NEGR1: variants seen among roughly 807,000 people sequenced by gnomAD.
NEGR1 encodes the protein IgLON family member 4.
NEGR1 carries 10 observed loss-of-function variants against 40.9 expected under a neutral mutation model. The observed-to-expected ratio is 0.24, with a 90% CI of 0.15 to 0.42. NEGR1 has a LOEUF of 0.42. NEGR1 is among the 10% of genes least tolerant of loss of function. The pLI is 1.00. For synonymous variants in NEGR1, 185 were observed against 166.8 expected (o/e 1.11, Z -0.84); for missense variants, 352 against 438.9 (o/e 0.80, Z 1.77).
intron 6 of NEGR1, among the ~76,000 whole-genome samples, chr1:71,484,228 C>T (rs1029258486): frequency 6.6e-6 from 1 of 151,526 alleles, no homozygotes. Flanking sequence ...TACATTCAGG[C>T]ACATGAATAA....
intron 2 of NEGR1, among the ~76,000 whole-genome samples, chr1:71,811,135 C>T (rs1328171620): frequency 6.6e-6 from 1 of 152,088 alleles, no homozygotes; most frequent in East Asian, 1.9e-4. Context: ...GGAGTCTGCA[C>T]AAAAGGTGGA....
chr1:71,974,553 G>T (rs1462232493), intron 1 of NEGR1, among the ~76,000 whole-genome samples: 1 of 152,096 alleles, frequency 6.6e-6, no homozygotes, highest in East Asian at 1.9e-4. Context: ...CAGCACTAAT[G>T]AAATAGTCAT....
At chr1:72,084,564 G>A (rs1227381541) in intron 1 of NEGR1, among the ~76,000 whole-genome samples, 1 of 151,992 alleles carries the variant, frequency 6.6e-6, no homozygotes, top group African/African-American at 2.4e-5. Flanking sequence ...GTTCCATGAG[G>A]GCTGGGATTT....
At chr1:72,172,289 G>A (rs1651991738) in intron 1 of NEGR1, among the ~76,000 whole-genome samples, 1 of 151,914 alleles carries the variant, frequency 6.6e-6, no homozygotes. Context: ...TTTGTCATTA[G>A]AACCAAACAC....
intron 6 of NEGR1, among the ~76,000 whole-genome samples, chr1:71,560,991 C>T (rs898530627): frequency 2.0e-5 from 3 of 151,422 alleles, no homozygotes; most frequent in African/African-American, 7.3e-5. Flanking sequence ...TTCATGTTTC[C>T]GAGACTCAAT....
At chr1:71,694,125 C>T (rs941022979) in intron 4 of NEGR1, among the ~76,000 whole-genome samples, 4 of 151,522 alleles carry the variant, frequency 2.6e-5, no homozygotes, top group African/African-American at 7.3e-5. Flanking sequence ...CAACTATGAA[C>T]CTAGTGTCCA....
At chr1:71,436,654 T>C (rs1289261633) in intron 6 of NEGR1, among the ~76,000 whole-genome samples, 1 of 152,096 alleles carries the variant, frequency 6.6e-6, no homozygotes, top group Non-Finnish European at 1.5e-5. Context: ...TGCCTTCTGT[T>C]TTACCTCCTC....
At chr1:71,760,836 C>T (rs1263373991) in intron 3 of NEGR1, among the ~76,000 whole-genome samples, 2 of 152,020 alleles carry the variant, frequency 1.3e-5, no homozygotes, top group African/African-American at 2.4e-5. Flanking sequence ...TGGTGTTGGT[C>T]CAGCTCTCAG....
At chr1:72,135,774 G>A (rs1275893106) in intron 1 of NEGR1, among the ~76,000 whole-genome samples, 1 of 152,170 alleles carries the variant, frequency 6.6e-6, no homozygotes, top group African/African-American at 2.4e-5. Context: ...ACTAACCAAG[G>A]AAGAGAAAAT....
intron 1 of NEGR1, among the ~76,000 whole-genome samples, chr1:72,070,657 G>A (rs927865104): frequency 5.3e-5 from 8 of 151,926 alleles, no homozygotes; most frequent in African/African-American, 1.7e-4. Flanking sequence ...CTAACGCCAT[G>A]TATGTGAACA....
chr1:72,003,217 A>G (rs1646572990), intron 1 of NEGR1, among the ~76,000 whole-genome samples: 1 of 151,390 alleles, frequency 6.6e-6, no homozygotes, highest in South Asian at 2.1e-4. Context: ...GCCCTATCTG[A>G]GTGTTGGGTC....
chr1:71,874,152 A>G (rs1318893394), intron 2 of NEGR1, among the ~76,000 whole-genome samples: 1 of 152,130 alleles, frequency 6.6e-6, no homozygotes, highest in Admixed American at 6.6e-5. Flanking sequence ...ATGTGAAATG[A>G]TTTACACCTA....
intron 2 of NEGR1, among the ~76,000 whole-genome samples, chr1:71,895,948 C>T (rs1430516344): frequency 1.3e-5 from 2 of 151,666 alleles, no homozygotes; most frequent in African/African-American, 4.8e-5. Context: ...TCTTATTATT[C>T]AACACTTATT....
intron 1 of NEGR1, among the ~76,000 whole-genome samples, chr1:71,992,795 G>T (rs1024997964): frequency 6.6e-6 from 1 of 152,188 alleles, no homozygotes. Flanking sequence ...TGAAATCTGA[G>T]TTGCAGCTAG....
chr1:71,943,079 T>G (rs991196516), intron 1 of NEGR1, among the ~76,000 whole-genome samples: 4 of 146,288 alleles, frequency 2.7e-5, no homozygotes, highest in South Asian at 2.1e-4. Context: ...TATATGTGTA[T>G]ATATATACAC....
rs1216890483 is a variant in NEGR1, at chr1:71,402,190, C to T, written c.*5256G>A. Reference sequence around the variant, plus strand: ...GAAGTATAATCTTCAGCAAGTGACTCAAAATTTCTGAATCTCGTTTTCACC... The same window carrying T: ...GAAGTATAATCTTCAGCAAGTGACTTAAAATTTCTGAATCTCGTTTTCACC... On this transcript the variant is annotated 3_prime_UTR_variant, in exon 7 of 7. Coordinates refer to ENST00000357731, the MANE Select transcript of NEGR1 (RefSeq NM_173808.3). The T allele has an allele frequency of 1.3e-5, 2 of 152,078 alleles. No individual in the cohort carries two copies. Among genetic ancestry groups the T allele is most frequent in the African/African-American group, 4.8e-5 (2 of 41,422 alleles). 9.4% of individuals were successfully genotyped at this position (152,078 alleles called of 1,614,324 possible).
intron 3 of NEGR1, among the ~76,000 whole-genome samples, chr1:71,765,000 A>G (rs1016557511): frequency 6.6e-6 from 1 of 152,076 alleles, no homozygotes; most frequent in African/African-American, 2.4e-5. Context: ...AAGAAGCTCC[A>G]AAGCATTTCC....
chr1:71,591,717 A>G (rs1388494431), intron 6 of NEGR1, among the ~76,000 whole-genome samples: 1 of 152,134 alleles, frequency 6.6e-6, no homozygotes, highest in Non-Finnish European at 1.5e-5. Flanking sequence ...GTGCTAAAGG[A>G]TATTAGGCTG....
intron 2 of NEGR1, among the ~76,000 whole-genome samples, chr1:71,882,588 C>T (rs766794365): frequency 5.9e-5 from 9 of 151,876 alleles, no homozygotes; most frequent in Non-Finnish European, 1.0e-4. Flanking sequence ...TTTTTAGTTC[C>T]TTAAAAATTA....
Sources: gnomAD v4.1 joint callset for allele counts (sites outside exome capture counted in the v4.1 genomes callset) on GRCh38, gnomAD v4.1.1 for gene constraint, MANE v1.5 for transcripts, NCBI Gene and HGNC (gene_info 2026-07-23, HGNC 2026-07-21) for gene names.